Variants in OIT3 observed in about 807,000 individuals in gnomAD.
OIT3 encodes oncoprotein induced transcript 3.
In OIT3, 41 loss-of-function variants were observed where a neutral mutation model predicts 52.2. The observed-to-expected ratio is 0.79, with a 90% CI of 0.61 to 1.02. OIT3 has a LOEUF of 1.02. OIT3 is among the 50% of genes least tolerant of loss of function. The pLI is 0.00. For synonymous variants in OIT3, 244 were observed against 276.9 expected, an observed-to-expected ratio of 0.88 and a Z score of 1.18; for missense variants, 634 against 715.5, an observed-to-expected ratio of 0.89 and a Z score of 1.30.
intron 7 of OIT3, among the ~76,000 whole-genome samples, chr10:72,925,952 G>A (rs1487608571): frequency 1.3e-5 from 2 of 152,182 alleles, no homozygotes; most frequent in Non-Finnish European, 2.9e-5. Context: ...TATTTCCTAA[G>A]GATCCTTGGT....
Position 72,920,918 on chromosome 10 carries a change from C to A in OIT3, c.952-3311C>A, listed in dbSNP as rs529321389. Among the ~76,000 whole-genome samples, 9 of 152,194 alleles carry A rather than the reference C, an allele frequency of 5.9e-5. 1 individual carries two copies. In the East Asian group the frequency reaches 1.7e-3, roughly 29 times the overall value. On this transcript the variant is annotated intron_variant, in intron 6 of 8. Transcript: ENST00000334011. ...ATATTCTGTTGTTTTGGGGTGGAGA[C>A]TTCTGTAGATAATTATCAAGTCCAG...
chr10:72,899,735 AGATAGATAGATAGATAGATAGATG>A (rs1049460556), intron 2 of OIT3, among the ~76,000 whole-genome samples: 8 of 151,390 alleles, frequency 5.3e-5, no homozygotes, highest in African/African-American at 2.0e-4. Flanking sequence ...ATAGATAGAT[AGATAGATAGATAGATAGATAGATG>A]ATAGATAGAT....
Position 72,924,499 on chromosome 10 carries a change from C to A in OIT3, c.1222C>A (p.Pro408Thr). Residue 408 changes from proline to threonine, a missense_variant, in exon 7 of 9, where the codon CCC becomes ACC. Coordinates refer to ENST00000334011, the MANE Select transcript of OIT3 (RefSeq NM_152635.3). ...EFEEPYREALPTLKLRDSLYF... is the reference protein window; with the variant it reads ...EFEEPYREALTTLKLRDSLYF... ...TGAAGAGCCTTACCGGGAAGCTCTG[C>A]CCACCCTCAAGCTTCGTGACTCCCT... is the stretch of plus-strand genomic sequence containing the variant. 5 of 1,614,154 alleles carry A rather than the reference C, an allele frequency of 3.1e-6. No individual in the cohort carries two copies. The highest frequency in any genetic ancestry group is 4.2e-6 in the Non-Finnish European group (5 of 1,179,998).
chr10:72,926,174 G>T (rs761168641), intron 7 of OIT3, among the ~76,000 whole-genome samples: 1 of 152,214 alleles, frequency 6.6e-6, no homozygotes, highest in Non-Finnish European at 1.5e-5. Flanking sequence ...GAGCAGCTCA[G>T]CACCCTCGGG....
chr10:72,909,995 A>G (rs1489716698), intron 4 of OIT3, among the ~76,000 whole-genome samples: 1 of 152,206 alleles, frequency 6.6e-6, no homozygotes, highest in Non-Finnish European at 1.5e-5. Context: ...GGAGCAAGAG[A>G]AAATAATTTA....
intron 3 of OIT3, among the ~76,000 whole-genome samples, chr10:72,901,348 T>C (rs958875085): frequency 1.3e-5 from 2 of 152,210 alleles, no homozygotes; most frequent in African/African-American, 4.8e-5. Flanking sequence ...AGATTGTCTG[T>C]AGGAAATCCA....
Position 72,913,360 on chromosome 10 carries a change from G to T in OIT3, c.843G>T (p.Leu281=). ...TTGAAGTGAACATCCCCAGGGAGCT[G>T]GTTGGTGGCCTGGAGCTCTTCCTGA... ...NAIEVNIPRE[L]VGGLELFLTN... The change falls in exon 6 of 9, where the codon CTG becomes CTT. Residue 281 remains leucine (L), a synonymous_variant. Transcript: ENST00000334011. The T allele has an allele frequency of 1.2e-6, 2 of 1,613,730 alleles. No homozygotes were observed. Among genetic ancestry groups the T allele is most frequent in the South Asian group, 1.1e-5 (1 of 91,050 alleles).
chr10:72,900,147 C>T (rs991574955), intron 2 of OIT3, among the ~76,000 whole-genome samples: 1 of 152,070 alleles, frequency 6.6e-6, no homozygotes, highest in Non-Finnish European at 1.5e-5. Flanking sequence ...CCAGGCTGCA[C>T]TTATGAGGCT....
intron 7 of OIT3, among the ~76,000 whole-genome samples, chr10:72,929,698 C>A (rs911420933): frequency 6.6e-6 from 1 of 151,378 alleles, no homozygotes; most frequent in East Asian, 1.9e-4. Context: ...GGCACCATGA[C>A]GCCTGGCTAA....
intron 6 of OIT3, among the ~76,000 whole-genome samples, chr10:72,920,005 T>G (rs1846107946): frequency 6.6e-6 from 1 of 152,156 alleles, no homozygotes; most frequent in South Asian, 2.1e-4. Flanking sequence ...TTTTTTGAAA[T>G]AGTTTCAGTA....
chr10:72,906,318 C>T (rs983846763), intron 3 of OIT3, among the ~76,000 whole-genome samples: 3 of 152,060 alleles, frequency 2.0e-5, no homozygotes, highest in Admixed American at 2.0e-4. Context: ...GTAGGTGTAC[C>T]CACGACTCAA....
chr10:72,907,163 C>G (rs945641584), intron 4 of OIT3, among the ~76,000 whole-genome samples: 2 of 152,028 alleles, frequency 1.3e-5, no homozygotes, highest in Non-Finnish European at 2.9e-5. Context: ...GTCCCAGCCA[C>G]TCAGAAGGCT....
intron 6 of OIT3, among the ~76,000 whole-genome samples, chr10:72,917,189 C>CAAA (rs1846080212): frequency 1.3e-5 from 2 of 152,034 alleles, no homozygotes; most frequent in African/African-American, 4.8e-5. Context: ...CCAATGTTTG[C>CAAA]TTTTATTGCA....
At chr10:72,912,086 A>C (rs1846033853) in intron 5 of OIT3, among the ~76,000 whole-genome samples, 1 of 152,136 alleles carries the variant, frequency 6.6e-6, no homozygotes, top group South Asian at 2.1e-4. Context: ...TTCTATGGTT[A>C]GTTGTATGAC....
intron 8 of OIT3, among the ~76,000 whole-genome samples, chr10:72,931,748 A>G (rs970272954): frequency 4.6e-5 from 7 of 152,234 alleles, no homozygotes; most frequent in African/African-American, 7.2e-5. Context: ...AAGATTTTTT[A>G]TCATTGTTGT....
In OIT3 at chr10:72,911,741, A is replaced by T; in HGVS notation, c.692A>T (p.Asn231Ile). The T allele has an allele frequency of 6.2e-7, 1 of 1,613,720 alleles. No individual in the cohort carries two copies. Among genetic ancestry groups the T allele is most frequent in the Non-Finnish European group, 8.5e-7 (1 of 1,179,766 alleles). ...CEDVEGCHNN[N>I]GGCSHSCLGS... ...GACGTTGAAGGATGCCACAATAACA[A>T]TGGTGGCTGCAGCCACTCTTGCCTT... Residue 231 changes from asparagine to isoleucine, a missense_variant, in exon 5 of 9, where the codon AAT becomes ATT. By Grantham distance (149) the Asn-to-Ile change is moderately radical (BLOSUM62 -3). Coordinates refer to ENST00000334011, the MANE Select transcript of OIT3 (RefSeq NM_152635.3).
chr10:72,912,094 G>A (rs1846034018), intron 5 of OIT3, among the ~76,000 whole-genome samples: 1 of 152,032 alleles, frequency 6.6e-6, no homozygotes, highest in South Asian at 2.1e-4. Flanking sequence ...TTAGTTGTAT[G>A]ACTAATACTC....
chr10:72,922,011 C>T (rs1846126194), intron 6 of OIT3, among the ~76,000 whole-genome samples: 1 of 152,128 alleles, frequency 6.6e-6, no homozygotes. Flanking sequence ...AATATTGGCC[C>T]CCAGTCTCTC....
chr10:72,895,486 G>A (rs1845867715), intron 1 of OIT3, among the ~76,000 whole-genome samples: 1 of 152,148 alleles, frequency 6.6e-6, no homozygotes, highest in Non-Finnish European at 1.5e-5. Context: ...TGCCCTGAGA[G>A]GACAGGGGAA....
Sources: gnomAD v4.1 joint callset for allele counts (sites outside exome capture counted in the v4.1 genomes callset) on GRCh38, gnomAD v4.1.1 for gene constraint, MANE v1.5 for transcripts, NCBI Gene and HGNC (gene_info 2026-07-23, HGNC 2026-07-21) for gene names.